CNTN3: variants seen among roughly 807,000 people sequenced by gnomAD.
CNTN3 encodes the protein contactin 3.
A neutral mutation model predicts 119.1 loss-of-function variants in CNTN3; 60 were observed. That is an observed-to-expected ratio of 0.50 (90% CI 0.41 to 0.62). The LOEUF (loss-of-function observed/expected upper bound fraction) is 0.62, where lower values mean the gene tolerates loss of function less well. Among genes scored for constraint, CNTN3 ranks in the 20% least tolerant of loss-of-function variants. The pLI is 0.00. For synonymous variants in CNTN3, 450 were observed against 438.7 expected (o/e 1.03, Z -0.32); for missense variants, 1,101 against 1,242.4 (o/e 0.89, Z 1.71).
chr3:74,506,465 T>G (rs1703261627), intron 2 of CNTN3, among the ~76,000 whole-genome samples: 1 of 152,116 alleles, frequency 6.6e-6, no homozygotes, highest in South Asian at 2.1e-4. Context: ...AGGAGATGGG[T>G]TGGAGTCTTG....
At chr3:74,535,030 C>G (rs961853881) in intron 1 of CNTN3, among the ~76,000 whole-genome samples, 1 of 151,998 alleles carries the variant, frequency 6.6e-6, no homozygotes, top group Admixed American at 6.6e-5. Context: ...ATATAATTGA[C>G]ACCTTGTCTG....
intron 19 of CNTN3, among the ~76,000 whole-genome samples, chr3:74,288,790 T>C (rs1016185416): frequency 6.6e-6 from 1 of 152,176 alleles, no homozygotes; most frequent in Non-Finnish European, 1.5e-5. Flanking sequence ...CCAGGATCCA[T>C]GAACTTAAAG....
At chr3:74,358,134 C>A (rs150295909) in intron 11 of CNTN3, among the ~76,000 whole-genome samples, 1 of 152,104 alleles carries the variant, frequency 6.6e-6, no homozygotes, top group Admixed American at 6.6e-5. Context: ...GGCCCTGGCT[C>A]GTCAGTGTTT....
At chr3:74,422,666 C>A (rs1701634729) in intron 5 of CNTN3, among the ~76,000 whole-genome samples, 1 of 152,124 alleles carries the variant, frequency 6.6e-6, no homozygotes, top group African/African-American at 2.4e-5. Context: ...TAAACAAAAT[C>A]ACTCAGTCGG....
intron 4 of CNTN3, among the ~76,000 whole-genome samples, chr3:74,447,383 C>T (rs1702067913): frequency 6.6e-6 from 1 of 152,128 alleles, no homozygotes; most frequent in Admixed American, 6.6e-5. Context: ...TAGCTAAAAC[C>T]ACCCAAAAGC....
intron 1 of CNTN3, among the ~76,000 whole-genome samples, chr3:74,585,735 A>T (rs1489751919): frequency 6.6e-6 from 1 of 152,166 alleles, no homozygotes; most frequent in Admixed American, 6.6e-5. Flanking sequence ...ATGATCAAAA[A>T]TACCAAATGA....
At chr3:74,545,151 A>C (rs926428831) in intron 1 of CNTN3, among the ~76,000 whole-genome samples, 13 of 152,214 alleles carry the variant, frequency 8.5e-5, no homozygotes, top group African/African-American at 2.9e-4. Flanking sequence ...TTGTAATAAT[A>C]AAACAAAAAT....
At chr3:74,410,272 C>G (rs1466099833) in intron 5 of CNTN3, among the ~76,000 whole-genome samples, 2 of 152,054 alleles carry the variant, frequency 1.3e-5, no homozygotes, top group African/African-American at 4.8e-5. Flanking sequence ...AGACTCAGAA[C>G]CACAGCTATG....
intron 4 of CNTN3, among the ~76,000 whole-genome samples, chr3:74,476,863 C>T (rs1702665039): frequency 6.6e-6 from 1 of 151,828 alleles, no homozygotes; most frequent in Non-Finnish European, 1.5e-5. Flanking sequence ...TAGGCTAGAG[C>T]TAAGCAGTTA....
chr3:74,294,302 C>T (rs907049987), intron 19 of CNTN3, among the ~76,000 whole-genome samples: 12 of 152,214 alleles, frequency 7.9e-5, no homozygotes, highest in African/African-American at 2.9e-4. Context: ...TTTCCTCTAA[C>T]TGCTCACTAC....
chr3:74,274,529 G>A (rs1701843912), intron 20 of CNTN3, among the ~76,000 whole-genome samples: 2 of 152,104 alleles, frequency 1.3e-5, no homozygotes, highest in Admixed American at 6.5e-5. Flanking sequence ...GACATGCTGG[G>A]TGACTAGACC....
At chr3:74,284,270 G>A (rs1473795816) in intron 20 of CNTN3, among the ~76,000 whole-genome samples, 2 of 152,104 alleles carry the variant, frequency 1.3e-5, no homozygotes, top group African/African-American at 2.4e-5. Flanking sequence ...ATGCGTCAAT[G>A]AAATTAGCAA....
chr3:74,575,312 C>A (rs570191002), intron 1 of CNTN3, among the ~76,000 whole-genome samples: 3 of 152,016 alleles, frequency 2.0e-5, no homozygotes, highest in African/African-American at 7.3e-5. Flanking sequence ...AGTGCACTGG[C>A]GTGATCTCGG....
intron 13 of CNTN3, among the ~76,000 whole-genome samples, chr3:74,322,850 A>G (rs898507518): frequency 2.6e-4 from 39 of 152,234 alleles, no homozygotes. Context: ...AAAGACATGG[A>G]GGAACTTAAA....
intron 13 of CNTN3, among the ~76,000 whole-genome samples, chr3:74,333,292 CA>C (rs1411227716): frequency 6.6e-6 from 1 of 152,186 alleles, no homozygotes; most frequent in Non-Finnish European, 1.5e-5. Context: ...AAGGCAGTAC[CA>C]AAAACTTGGT....
At chr3:74,280,730 A>T (rs556832900) in intron 20 of CNTN3, among the ~76,000 whole-genome samples, 1 of 152,324 alleles carries the variant, frequency 6.6e-6, no homozygotes, top group South Asian at 2.1e-4. Context: ...GAAGAGAGCA[A>T]TGATCAAACC....
intron 4 of CNTN3, among the ~76,000 whole-genome samples, chr3:74,465,916 G>C (rs2106986937): frequency 6.6e-6 from 1 of 152,244 alleles, no homozygotes; most frequent in East Asian, 1.9e-4. Context: ...GAGGCCAATA[G>C]AGAAAAAAGC....
intron 11 of CNTN3, among the ~76,000 whole-genome samples, chr3:74,347,564 C>T (rs1703722077): frequency 6.6e-6 from 1 of 152,134 alleles, no homozygotes; most frequent in Non-Finnish European, 1.5e-5. Flanking sequence ...TTGAAATGTA[C>T]CATATAATGA....
intron 19 of CNTN3, among the ~76,000 whole-genome samples, chr3:74,288,530 A>G (rs926876143): frequency 4.6e-5 from 7 of 152,198 alleles, no homozygotes; most frequent in South Asian, 2.1e-4. Context: ...GGAGGCTGGA[A>G]GAAGGCATCA....
Sources: allele counts gnomAD v4.1 joint callset (sites outside exome capture counted in the v4.1 genomes callset), GRCh38; gene constraint gnomAD v4.1.1; transcripts MANE v1.5; gene names NCBI Gene and HGNC (gene_info 2026-07-23, HGNC 2026-07-21).